SYT16: variants seen among roughly 807,000 people sequenced by gnomAD.
SYT16 encodes synaptotagmin 16, also known as synaptotagmin-16.
A neutral mutation model predicts 61.4 loss-of-function variants in SYT16; 42 were observed. The ratio of observed to expected loss-of-function variants is 0.68; its 90% CI spans 0.53 to 0.89. SYT16 has a LOEUF of 0.89. Ranked by LOEUF, SYT16 falls within the 40% of genes least tolerant of loss-of-function variation. The pLI, the probability that SYT16 is intolerant of heterozygous loss-of-function variation, is 0.00. For missense variants in SYT16, 804 were observed against 807.3 expected (o/e 1.00, Z 0.05); for synonymous variants, 314 against 302.3 (o/e 1.04, Z -0.40).
chr14:61,858,859 C>CTTTTTT (rs541030567), intron 1 of SYT16, among the ~76,000 whole-genome samples: 1 of 138,916 alleles, frequency 7.2e-6, no homozygotes, highest in Non-Finnish European at 1.6e-5. Flanking sequence ...CTTTTCTTTT[C>CTTTTTT]TTTTTTTTTT....
At chr14:61,976,991 C>G (rs1430325060) in intron 2 of SYT16, among the ~76,000 whole-genome samples, 2 of 152,094 alleles carry the variant, frequency 1.3e-5, no homozygotes, top group Admixed American at 6.5e-5. Context: ...CCATAGATCT[C>G]TAGGACCCTA....
chr14:61,814,950 G>A (rs1463285226), intron 1 of SYT16, among the ~76,000 whole-genome samples: 3 of 152,184 alleles, frequency 2.0e-5, no homozygotes, highest in South Asian at 4.1e-4. Context: ...GCTTCTCCCA[G>A]ATACAGAATT....
intron 3 of SYT16, among the ~76,000 whole-genome samples, chr14:62,023,852 A>C (rs184595479): frequency 2.0e-5 from 3 of 152,222 alleles, no homozygotes; most frequent in Admixed American, 2.0e-4. Context: ...TGTTTATCTT[A>C]TCTTTAACCA....
At chr14:61,896,196 T>G (rs2048320235) in intron 1 of SYT16, among the ~76,000 whole-genome samples, 1 of 152,100 alleles carries the variant, frequency 6.6e-6, no homozygotes, top group Non-Finnish European at 1.5e-5. Flanking sequence ...TATTCTTGCT[T>G]ATATGGGCAA....
intron 2 of SYT16, among the ~76,000 whole-genome samples, chr14:61,973,819 C>T (rs560970494): frequency 6.6e-6 from 1 of 152,086 alleles, no homozygotes; most frequent in Non-Finnish European, 1.5e-5. Context: ...AATGCCCTTC[C>T]TCTTCTGGAA....
chr14:61,927,626 G>A (rs2049589251), intron 1 of SYT16, among the ~76,000 whole-genome samples: 1 of 152,206 alleles, frequency 6.6e-6, no homozygotes, highest in Non-Finnish European at 1.5e-5. Context: ...TATTAAGGCA[G>A]AAGGTTGTAA....
At chr14:61,939,773 G>A (rs2050137279) in intron 1 of SYT16, among the ~76,000 whole-genome samples, 1 of 152,056 alleles carries the variant, frequency 6.6e-6, no homozygotes, top group South Asian at 2.1e-4. Context: ...GTGTCTAAGG[G>A]GGAAGAAAAA....
At chr14:61,969,295 A>G (rs533053337) in intron 1 of SYT16, among the ~76,000 whole-genome samples, 173 of 152,232 alleles carry the variant, frequency 1.1e-3, no homozygotes, top group African/African-American at 3.1e-3. Flanking sequence ...TCTTTACTGA[A>G]TGTTACTTTG....
intron 3 of SYT16, among the ~76,000 whole-genome samples, chr14:62,042,190 G>A (rs911234897): frequency 1.3e-5 from 2 of 151,626 alleles, no homozygotes; most frequent in Admixed American, 6.6e-5. Flanking sequence ...TTTTGTGGGG[G>A]TGGGATCTTG....
At chr14:61,911,942 A>G (rs1594896304) in intron 1 of SYT16, among the ~76,000 whole-genome samples, 1 of 152,224 alleles carries the variant, frequency 6.6e-6, no homozygotes, top group East Asian at 1.9e-4. Flanking sequence ...AAACAAATGT[A>G]TTATTGCTGT....
chr14:62,071,234 G>A (rs1467016411), intron 4 of SYT16, among the ~76,000 whole-genome samples: 1 of 152,116 alleles, frequency 6.6e-6, no homozygotes, highest in Non-Finnish European at 1.5e-5. Context: ...CCATTGAGAG[G>A]GCAAATGTTA....
chr14:62,075,510 C>CCAGAAAGGA, intron 5 of SYT16, 119 bp downstream of exon 5: 1 of 1,226,214 alleles, frequency 8.2e-7, no homozygotes, highest in East Asian at 2.5e-5. Context: ...TTACTTTTAT[C>CCAGAAAGGA]TGCAATAAAT....
At chr14:62,042,068 T>G (rs1290816566) in intron 3 of SYT16, among the ~76,000 whole-genome samples, 3 of 152,256 alleles carry the variant, frequency 2.0e-5, no homozygotes, top group Non-Finnish European at 4.4e-5. Context: ...TGTCCTTTCC[T>G]ACTAATTATT....
intron 7 of SYT16, among the ~76,000 whole-genome samples, chr14:62,086,965 C>A (rs984420194): frequency 3.9e-5 from 6 of 152,068 alleles, no homozygotes; most frequent in African/African-American, 1.4e-4. Flanking sequence ...TGAGGAAAAG[C>A]CAGTTTAATT....
intron 1 of SYT16, among the ~76,000 whole-genome samples, chr14:61,895,934 C>T (rs1366512652): frequency 6.6e-6 from 1 of 152,096 alleles, no homozygotes; most frequent in Admixed American, 6.5e-5. Context: ...AGGGTTTTAT[C>T]TCCAGCCTGG....
intron 3 of SYT16, among the ~76,000 whole-genome samples, chr14:62,042,419 T>A (rs1400565618): frequency 6.6e-6 from 1 of 152,204 alleles, no homozygotes; most frequent in Non-Finnish European, 1.5e-5. Context: ...GGCTCTTCGA[T>A]CATTTCAGAT....
intron 4 of SYT16, among the ~76,000 whole-genome samples, chr14:62,070,101 T>C (rs1326113426): frequency 6.6e-6 from 1 of 152,200 alleles, no homozygotes; most frequent in Non-Finnish European, 1.5e-5. Flanking sequence ...TTTAGAATAG[T>C]ATTTGTTGAG....
chr14:61,929,836 C>CT (rs370681113), intron 1 of SYT16, among the ~76,000 whole-genome samples: 277 of 152,230 alleles, frequency 1.8e-3, no homozygotes, highest in African/African-American at 6.4e-3. Context: ...GCTCAATTGC[C>CT]TTTTTTTAAA....
chr14:61,949,984 G>C (rs2050606485), intron 1 of SYT16, among the ~76,000 whole-genome samples: 1 of 152,126 alleles, frequency 6.6e-6, no homozygotes, highest in African/African-American at 2.4e-5. Flanking sequence ...CAGTTTTTTA[G>C]TTCTTGTCTA....
Sources: gnomAD v4.1 joint callset for allele counts (sites outside exome capture counted in the v4.1 genomes callset) on GRCh38, gnomAD v4.1.1 for gene constraint, MANE v1.5 for transcripts, NCBI Gene and HGNC (gene_info 2026-07-23, HGNC 2026-07-21) for gene names.